Variants in ZFHX3 observed in about 807,000 individuals in gnomAD.
The protein encoded by ZFHX3 is zinc finger homeobox protein 3.
ZFHX3 carries 42 observed loss-of-function variants against 279.1 expected under a neutral mutation model. That is an observed-to-expected ratio of 0.15 (90% CI 0.12 to 0.19). The LOEUF (loss-of-function observed/expected upper bound fraction) is 0.19. ZFHX3 is among the 10% of genes least tolerant of loss of function. The pLI is 1.00. For missense variants in ZFHX3, 4,981 were observed against 4,754.0 expected (o/e 1.05, Z -1.40); for synonymous variants, 2,293 against 1,957.8 (o/e 1.17, Z -4.52).
intron 5 of ZFHX3, among the ~76,000 whole-genome samples, chr16:73,172,772 C>A (rs982637138): frequency 1.3e-5 from 2 of 152,108 alleles, no homozygotes; most frequent in Non-Finnish European, 2.9e-5. Context: ...CAGCTATAAG[C>A]AAGGAAATGA....
intron 1 of ZFHX3, among the ~76,000 whole-genome samples, chr16:73,714,294 C>G (rs149639429): frequency 4.1e-4 from 63 of 152,276 alleles, no homozygotes; most frequent in African/African-American, 1.5e-3. Context: ...CGCTCTCCCC[C>G]ATCTTTAGGA....
intron 8 of ZFHX3, among the ~76,000 whole-genome samples, chr16:73,068,293 G>A (rs1322479620): frequency 6.6e-6 from 1 of 152,186 alleles, no homozygotes; most frequent in Non-Finnish European, 1.5e-5. Flanking sequence ...AGTAGAATCA[G>A]GGGACCCAAG....
chr16:72,923,902 G>A (rs1258667051), intron 3 of ZFHX3, among the ~76,000 whole-genome samples: 6 of 152,160 alleles, frequency 3.9e-5, no homozygotes, highest in African/African-American at 1.4e-4. Context: ...GCAGGTCCAC[G>A]TCTTTAAGTT....
intron 3 of ZFHX3, among the ~76,000 whole-genome samples, chr16:73,368,845 C>T (rs1360801290): frequency 6.6e-6 from 1 of 152,160 alleles, no homozygotes; most frequent in East Asian, 1.9e-4. Context: ...GCAATTATTA[C>T]CAGCCCCATT....
intron 5 of ZFHX3, among the ~76,000 whole-genome samples, chr16:73,211,900 A>C (rs1377010502): frequency 6.6e-6 from 1 of 152,052 alleles, no homozygotes; most frequent in Non-Finnish European, 1.5e-5. Context: ...CAATCAGCGC[A>C]GTTCTATTTG....
intron 8 of ZFHX3, among the ~76,000 whole-genome samples, chr16:73,082,427 C>A (rs1192716940): frequency 2.0e-5 from 3 of 151,926 alleles, no homozygotes; most frequent in African/African-American, 7.3e-5. Flanking sequence ...GCTACCACGC[C>A]CGGCTAATTT....
intron 3 of ZFHX3, among the ~76,000 whole-genome samples, chr16:72,895,554 T>C (rs2038878349): frequency 6.6e-6 from 1 of 152,224 alleles, no homozygotes; most frequent in Non-Finnish European, 1.5e-5. Flanking sequence ...CCAGGCGTGG[T>C]GGCTCACGCC....
At chr16:73,332,189 T>C (rs181557521) in intron 3 of ZFHX3, among the ~76,000 whole-genome samples, 135 of 152,230 alleles carry the variant, frequency 8.9e-4, no homozygotes, top group African/African-American at 2.9e-3. Flanking sequence ...AACCAGATGA[T>C]GATAAAAACG....
chr16:73,239,846 T>C (rs1485081627), intron 5 of ZFHX3, among the ~76,000 whole-genome samples: 1 of 152,220 alleles, frequency 6.6e-6, no homozygotes, highest in Non-Finnish European at 1.5e-5. Context: ...TTATTTGCAG[T>C]AGTTATGCTC....
intron 1 of ZFHX3, among the ~76,000 whole-genome samples, chr16:73,801,032 C>T (rs1175282400): frequency 2.6e-4 from 40 of 152,176 alleles, no homozygotes; most frequent in Admixed American, 2.5e-3. Flanking sequence ...GCAAAACCAA[C>T]AGCATTGACA....
intron 1 of ZFHX3, among the ~76,000 whole-genome samples, chr16:72,997,383 A>G (rs1963336940): frequency 6.6e-6 from 1 of 152,040 alleles, no homozygotes; most frequent in South Asian, 2.1e-4. Flanking sequence ...AGAGTTCTTT[A>G]CTCAAGAGGG....
At chr16:73,132,949 G>A (rs898768684) in intron 6 of ZFHX3, among the ~76,000 whole-genome samples, 3 of 152,236 alleles carry the variant, frequency 2.0e-5, no homozygotes, top group African/African-American at 7.2e-5. Flanking sequence ...TCATGAAGAT[G>A]CATGGCACAG....
intron 2 of ZFHX3, among the ~76,000 whole-genome samples, chr16:73,472,838 G>A (rs1283643216): frequency 2.0e-5 from 3 of 152,056 alleles, no homozygotes; most frequent in Non-Finnish European, 2.9e-5. Flanking sequence ...TGCAGGTCTC[G>A]CCCAGCCCAG....
chr16:73,843,830 G>A (rs984829000), intron 1 of ZFHX3, among the ~76,000 whole-genome samples: 8 of 152,182 alleles, frequency 5.3e-5, no homozygotes, highest in Non-Finnish European at 7.3e-5. Context: ...CACCTCTGTC[G>A]TATGACAACA....
intron 4 of ZFHX3, among the ~76,000 whole-genome samples, chr16:72,853,953 A>T (rs985194793): frequency 1.4e-5 from 2 of 145,690 alleles, no homozygotes. Flanking sequence ...CTTGAGAAGG[A>T]AAAAAAAAAA....
chr16:73,866,024 A>G (rs983087100), intron 1 of ZFHX3, among the ~76,000 whole-genome samples: 9 of 151,884 alleles, frequency 5.9e-5, no homozygotes, highest in Non-Finnish European at 1.2e-4. Flanking sequence ...AAAACATGCT[A>G]CTGCCCTAGG....
intron 3 of ZFHX3, among the ~76,000 whole-genome samples, chr16:73,385,053 T>C (rs569195864): frequency 2.3e-4 from 35 of 152,226 alleles, no homozygotes; most frequent in Non-Finnish European, 2.1e-4. Context: ...TGTACGCATT[T>C]CATGACGCTA....
intron 1 of ZFHX3, among the ~76,000 whole-genome samples, chr16:73,810,492 C>T (rs1180511137): frequency 1.3e-5 from 2 of 152,198 alleles, no homozygotes; most frequent in Admixed American, 1.3e-4. Context: ...CAAGTTCTCA[C>T]CATCTTGCCA....
intron 1 of ZFHX3, among the ~76,000 whole-genome samples, chr16:73,814,251 A>G (rs1320304116): frequency 6.6e-6 from 1 of 152,068 alleles, no homozygotes; most frequent in Non-Finnish European, 1.5e-5. Flanking sequence ...CCAAATGGAG[A>G]GACAATAAAT....
Sources: allele counts gnomAD v4.1 joint callset (sites outside exome capture counted in the v4.1 genomes callset), GRCh38; gene constraint gnomAD v4.1.1; transcripts MANE v1.5; gene names NCBI Gene and HGNC (gene_info 2026-07-23, HGNC 2026-07-21).